NKAIN3: variants seen among roughly 807,000 people sequenced by gnomAD.
The protein encoded by NKAIN3 is sodium/potassium transporting ATPase interacting 3.
A neutral mutation model predicts 30.2 loss-of-function variants in NKAIN3; 25 were observed. That is an observed-to-expected ratio of 0.83 (90% CI 0.60 to 1.16). The LOEUF (loss-of-function observed/expected upper bound fraction) is 1.16. Ranked by LOEUF, NKAIN3 falls within the 50% of genes most tolerant of loss-of-function variation. The pLI, the probability that NKAIN3 is intolerant of heterozygous loss-of-function variation, is 0.00. For synonymous variants in NKAIN3, 91 were observed against 89.6 expected (o/e 1.02, Z -0.09); for missense variants, 225 against 254.1 (o/e 0.89, Z 0.78).
At chr8:62,264,531 C>T (rs1183691808) in intron 1 of NKAIN3, among the ~76,000 whole-genome samples, 2 of 152,172 alleles carry the variant, frequency 1.3e-5, no homozygotes, top group Admixed American at 1.3e-4. Flanking sequence ...TCTCAAGCTT[C>T]CTTAGTGGTT....
At chr8:62,650,811 G>A (rs1236239715) in intron 3 of NKAIN3, among the ~76,000 whole-genome samples, 1 of 152,044 alleles carries the variant, frequency 6.6e-6, no homozygotes, top group Non-Finnish European at 1.5e-5. Flanking sequence ...AGAAATAAAG[G>A]TCAGTCCTGG....
chr8:62,428,463 AAC>A (rs1252704173), intron 1 of NKAIN3, among the ~76,000 whole-genome samples: 1 of 151,952 alleles, frequency 6.6e-6, no homozygotes, highest in Admixed American at 6.6e-5. Context: ...TATAATCTCC[AAC>A]AGTGTTCAAG....
intron 1 of NKAIN3, among the ~76,000 whole-genome samples, chr8:62,252,447 T>A (rs1053222810): frequency 1.3e-5 from 2 of 152,190 alleles, no homozygotes; most frequent in African/African-American, 4.8e-5. Context: ...AGAAAACATA[T>A]CCTTTTCAAG....
At chr8:62,998,450 T>C (rs1804178270) in intron 5 of NKAIN3, among the ~76,000 whole-genome samples, 1 of 152,172 alleles carries the variant, frequency 6.6e-6, no homozygotes, top group Admixed American at 6.5e-5. Context: ...AATTTTTGTA[T>C]TTTTAGTAGA....
At chr8:62,269,516 A>G (rs2129392257) in intron 1 of NKAIN3, among the ~76,000 whole-genome samples, 1 of 152,202 alleles carries the variant, frequency 6.6e-6, no homozygotes, top group South Asian at 2.1e-4. Flanking sequence ...ATCTTTGACT[A>G]TGTTCCTTTC....
intron 1 of NKAIN3, among the ~76,000 whole-genome samples, chr8:62,379,957 G>A (rs912981134): frequency 5.3e-5 from 8 of 152,024 alleles, no homozygotes; most frequent in Non-Finnish European, 8.8e-5. Flanking sequence ...TGACAGAGCT[G>A]GTATATGAGT....
chr8:62,987,232 CA>C (rs956938748), downstream of NKAIN3, among the ~76,000 whole-genome samples: 76 of 149,288 alleles, frequency 5.1e-4, no homozygotes, highest in South Asian at 1.9e-3. Context: ...ACTAAAAATA[CA>C]AAAAAAAACA....
At chr8:62,923,020 G>C (rs1822328864) in intron 5 of NKAIN3, among the ~76,000 whole-genome samples, 1 of 152,094 alleles carries the variant, frequency 6.6e-6, no homozygotes, top group Non-Finnish European at 1.5e-5. Context: ...TTGTTGGCTG[G>C]GTGTGGTGGC....
intron 4 of NKAIN3, among the ~76,000 whole-genome samples, chr8:62,859,550 A>G (rs561959618): frequency 6.8e-6 from 1 of 146,672 alleles, no homozygotes; most frequent in East Asian, 2.0e-4. Flanking sequence ...GTTACATTTA[A>G]CCAAATTAAA....
chr8:62,937,750 G>A (rs988710541), intron 5 of NKAIN3, among the ~76,000 whole-genome samples: 5 of 152,084 alleles, frequency 3.3e-5, no homozygotes, highest in Non-Finnish European at 5.9e-5. Flanking sequence ...AGGCAGGGAG[G>A]GGTGAAGTCT....
In NKAIN3 at chr8:62,973,642, T is replaced by C. The variant is rs555040737; in HGVS notation, c.*8235T>C. ...CTGTTCACTCTGATAATAGTTTCTT[T>C]TGCTGCACAGAAGCTCCTTAGTTTA... On this transcript the variant is annotated 3_prime_UTR_variant, in exon 7 of 7. Transcript: ENST00000623646. Among the ~76,000 whole-genome samples, 1 of 152,350 alleles carries C rather than the reference T, an allele frequency of 6.6e-6. No individual in the cohort carries two copies. Among genetic ancestry groups the C allele is most frequent in the East Asian group, 1.9e-4 (1 of 5,190 alleles).
intron 4 of NKAIN3, among the ~76,000 whole-genome samples, chr8:62,774,072 A>G (rs1000659492): frequency 6.6e-6 from 1 of 152,124 alleles, no homozygotes; most frequent in African/African-American, 2.4e-5. Flanking sequence ...TCTGTGTCTT[A>G]AATTTTATGC....
intron 4 of NKAIN3, chr8:62,855,304 T>A: frequency 1.9e-6 from 1 of 531,798 alleles, no homozygotes; most frequent in South Asian, 2.0e-5. Flanking sequence ...CAGCCTCTGG[T>A]CAGGCCTGGA....
intron 1 of NKAIN3, among the ~76,000 whole-genome samples, chr8:62,497,528 C>T (rs561032358): frequency 1.3e-5 from 2 of 151,946 alleles, no homozygotes; most frequent in African/African-American, 2.4e-5. Context: ...AGTAAGAGGA[C>T]AATGGCCTGC....
At chr8:62,271,753 G>C (rs964172670) in intron 1 of NKAIN3, among the ~76,000 whole-genome samples, 1 of 152,198 alleles carries the variant, frequency 6.6e-6, no homozygotes, top group Non-Finnish European at 1.5e-5. Context: ...TGTCAGTGAA[G>C]AGAGAATTGA....
chr8:62,600,037 T>G (rs1259130925), intron 3 of NKAIN3, among the ~76,000 whole-genome samples: 6 of 152,084 alleles, frequency 3.9e-5, no homozygotes, highest in Non-Finnish European at 8.8e-5. Flanking sequence ...TTTTAATACT[T>G]TTATTCCAAA....
At chr8:62,368,273 C>G (rs556198240) in intron 1 of NKAIN3, among the ~76,000 whole-genome samples, 1 of 152,182 alleles carries the variant, frequency 6.6e-6, no homozygotes, top group South Asian at 2.1e-4. Flanking sequence ...AAGAACAAAG[C>G]TTGAAATATC....
rs148527675 is a variant in NKAIN3, at chr8:62,615,250, G to A, written c.273+25456G>A. 1.7e-3 allele frequency among the ~76,000 whole-genome samples: 261 copies of A among 152,172 alleles called. 1 individual carries two copies. The highest frequency in any genetic ancestry group is 5.0e-3 in the African/African-American group (206 of 41,524). ...GCCAGGACTGGGTCCTTTCCTTCAA[G>A]GCAACAGGGTGTGCCTAGGAATGTT... On this transcript the variant is annotated intron_variant, in intron 3 of 6. Coordinates refer to ENST00000623646, the MANE Select transcript of NKAIN3 (RefSeq NM_001304533.3).
chr8:62,737,778 T>A (rs1234944801), intron 3 of NKAIN3, among the ~76,000 whole-genome samples: 2 of 152,220 alleles, frequency 1.3e-5, no homozygotes, highest in Admixed American at 1.3e-4. Context: ...GGCTATAGTA[T>A]GTGCTGTTAA....
Sources: gnomAD v4.1 joint callset for allele counts (sites outside exome capture counted in the v4.1 genomes callset) on GRCh38, gnomAD v4.1.1 for gene constraint, MANE v1.5 for transcripts, NCBI Gene and HGNC (gene_info 2026-07-23, HGNC 2026-07-21) for gene names.